OSBP2: variants seen among roughly 807,000 people sequenced by gnomAD.
OSBP2 encodes the protein oxysterol binding protein 2, also known as oxysterol-binding protein 2.
Under a neutral mutation model 96.0 loss-of-function variants are expected in OSBP2, and 66 were observed. The ratio of observed to expected loss-of-function variants is 0.69; its 90% confidence interval spans 0.56 to 0.84. The LOEUF (loss-of-function observed/expected upper bound fraction) is 0.84, where lower values mean the gene tolerates loss of function less well. Ranked by LOEUF, OSBP2 falls within the 40% of genes least tolerant of loss-of-function variation. The pLI, the probability that OSBP2 is intolerant of heterozygous loss-of-function variation, is 0.00. For missense variants in OSBP2, 1,038 were observed against 1,222.7 expected, an observed-to-expected ratio of 0.85 and a Z score of 2.25; for synonymous variants, 525 against 520.9, an observed-to-expected ratio of 1.01 and a Z score of -0.11.
intron 2 of OSBP2, among the ~76,000 whole-genome samples, chr22:30,767,500 C>T (rs573575788): frequency 6.6e-6 from 1 of 152,046 alleles, no homozygotes; most frequent in South Asian, 2.1e-4. Flanking sequence ...TCATAGCATC[C>T]CATTTGTTAA....
intron 2 of OSBP2, among the ~76,000 whole-genome samples, chr22:30,867,809 C>T (rs528759044): frequency 1.3e-5 from 2 of 152,378 alleles, no homozygotes; most frequent in East Asian, 3.9e-4. Flanking sequence ...CTCACTGTAC[C>T]TCTCACCAGC....
At chr22:30,884,748 C>A (rs893985978) in intron 3 of OSBP2, among the ~76,000 whole-genome samples, 1 of 152,158 alleles carries the variant, frequency 6.6e-6, no homozygotes, top group Admixed American at 6.5e-5. Flanking sequence ...GAGCCTCCCA[C>A]CCTTGGAGGT....
intron 1 of OSBP2, among the ~76,000 whole-genome samples, chr22:30,718,830 A>G (rs545942342): frequency 2.5e-4 from 38 of 152,306 alleles, no homozygotes; most frequent in Middle Eastern, 3.4e-3. Flanking sequence ...CAGCATGGGA[A>G]CAGGGCTGAT....
Position 30,906,061 on chromosome 22 carries a change from C to T in OSBP2, c.2600C>T (p.Ser867Leu), listed in dbSNP as rs761012867. 3.6e-6 allele frequency: 5 copies of T among 1,396,014 alleles called. No individual in the cohort carries two copies. The Admixed American group carries it at 6.4e-5, about 18-fold the overall frequency. 86.5% of individuals were successfully genotyped at this position (1,396,014 alleles called of 1,614,324 possible). A position where few individuals can be genotyped will look rare whatever the true frequency, so the allele number is the denominator to read the frequency against. ...EACGPGSSCS[S>L]EEEKEADAYT... ...TGCGGGCCGGGCAGCAGCTGCAGCT[C>T]GGAGGAAGGTGAGGCCGGGCGGGAA... Residue 867 changes from serine to leucine, a missense_variant, in exon 13 of 14, where the codon TCG (serine) becomes TTG (leucine). Physicochemically the swap from Ser to Leu is moderately radical, Grantham distance 145. Around this residue, in one of 3 missense-constraint regions of OSBP2, gnomAD observed 737 missense variants for 913.3 expected, o/e 0.81. Transcript: ENST00000332585.
rs1164924573 is a variant in OSBP2 at position 30,862,765 on chromosome 22, C to T, written c.854-7664C>T. ...AAGGTGGGTGGATCACAAGGTCAGG[C>T]GTTCCTGACCAGCCTGGCCAACATA... On this transcript the variant is annotated intron_variant, in intron 2 of 13. Coordinates refer to ENST00000332585, the MANE Select transcript of OSBP2 (RefSeq NM_030758.4). 5.3e-5 allele frequency among the ~76,000 whole-genome samples: 8 copies of T among 151,102 alleles called. No homozygotes were observed. The South Asian group carries it at 1.7e-3, about 32-fold the overall frequency.
intron 3 of OSBP2, among the ~76,000 whole-genome samples, chr22:30,876,269 GC>G (rs1275486958): frequency 6.6e-6 from 1 of 152,202 alleles, no homozygotes. Flanking sequence ...TGGCTCTGAA[GC>G]CCCCCTCCTC....
At chr22:30,885,375 G>A (rs1292833236) in intron 3 of OSBP2, among the ~76,000 whole-genome samples, 1 of 152,176 alleles carries the variant, frequency 6.6e-6, no homozygotes, top group Non-Finnish European at 1.5e-5. Context: ...TGCCCTCCAG[G>A]GACAGCTGAA....
intron 3 of OSBP2, among the ~76,000 whole-genome samples, chr22:30,874,335 C>T (rs1410125894): frequency 6.6e-6 from 1 of 152,096 alleles, no homozygotes; most frequent in Non-Finnish European, 1.5e-5. Flanking sequence ...TCGTTTGAAC[C>T]CAGGAGATGG....
At chr22:30,716,502 A>G (rs2089457819) in intron 1 of OSBP2, among the ~76,000 whole-genome samples, 1 of 150,192 alleles carries the variant, frequency 6.7e-6, no homozygotes, top group Admixed American at 6.6e-5. Flanking sequence ...CAATGGCTCA[A>G]TCTCGGCTCA....
chr22:30,770,836 G>A (rs1463801240), intron 2 of OSBP2, among the ~76,000 whole-genome samples: 1 of 152,162 alleles, frequency 6.6e-6, no homozygotes, highest in African/African-American at 2.4e-5. Context: ...CTGGCTTTGT[G>A]GCTGCCATCT....
At chr22:30,731,616 G>A (rs2089780222) in intron 1 of OSBP2, 1 of 154,178 alleles carries the variant, frequency 6.5e-6, no homozygotes, top group Non-Finnish European at 1.5e-5. Flanking sequence ...TCCACACCTT[G>A]CGCTACTCAG....
At chr22:30,708,550 A>T (rs1373154684) in intron 1 of OSBP2, among the ~76,000 whole-genome samples, 2 of 118,336 alleles carry the variant, frequency 1.7e-5, no homozygotes, top group African/African-American at 6.6e-5. Context: ...GTGCAATGGC[A>T]TGATCTTGGC....
rs369593505 is a variant in OSBP2 at position 30,870,387 on chromosome 22, G to A, written c.854-42G>A. On this transcript the variant is annotated intron_variant, in intron 2 of 13. Transcript: ENST00000332585. This position sits in a 1 kb window ranked among gnomAD's most constrained non-coding sequence, Gnocchi z 4.1. Reference sequence around the variant, plus strand: ...GGCTGTGCAGGCCTCTTGGTACCACGTCTGTTCGTAATGACCGTAACAACT... The same window carrying A: ...GGCTGTGCAGGCCTCTTGGTACCACATCTGTTCGTAATGACCGTAACAACT... The A allele has an allele frequency of 3.7e-5, 59 of 1,606,514 alleles. No individual in the cohort carries two copies. The highest frequency in any genetic ancestry group is 6.7e-5 in the African/African-American group (5 of 74,836).
At position 30,885,822 on chromosome 22, in the gene OSBP2, C is replaced by T. The variant is rs535154944; in HGVS notation, c.1108-1604C>T. ...AAACCAGCTGCTGCTGGGGAGGCAGCGTGCAGACCCGTGGCACCCAGGTTT... is the reference window on the plus strand; with the variant it reads ...AAACCAGCTGCTGCTGGGGAGGCAGTGTGCAGACCCGTGGCACCCAGGTTT... On this transcript the variant is annotated intron_variant, in intron 3 of 13. Coordinates refer to ENST00000332585, the MANE Select transcript of OSBP2 (RefSeq NM_030758.4). 4.6e-4 allele frequency among the ~76,000 whole-genome samples: 70 copies of T among 152,372 alleles called. 1 individual carries two copies. Among genetic ancestry groups the T allele is most frequent in the South Asian group, 2.9e-3 (14 of 4,832 alleles).
chr22:30,851,213 C>T (rs1268472778), intron 2 of OSBP2, among the ~76,000 whole-genome samples: 1 of 151,310 alleles, frequency 6.6e-6, no homozygotes, highest in Non-Finnish European at 1.5e-5. Context: ...AGGCATGCGC[C>T]ACGCATACAT....
intron 1 of OSBP2, among the ~76,000 whole-genome samples, chr22:30,737,453 G>A (rs2145733443): frequency 6.6e-6 from 1 of 151,054 alleles, no homozygotes; most frequent in Non-Finnish European, 1.5e-5. Flanking sequence ...CTCCTGAGTA[G>A]CTGGGACTAC....
intron 2 of OSBP2, among the ~76,000 whole-genome samples, chr22:30,815,168 A>T (rs1180741564): frequency 6.6e-6 from 1 of 152,228 alleles, no homozygotes; most frequent in African/African-American, 2.4e-5. Flanking sequence ...CTATAGTCCC[A>T]GCTACTGGGG....
intron 2 of OSBP2, among the ~76,000 whole-genome samples, chr22:30,859,289 A>C (rs901988502): frequency 6.6e-6 from 1 of 152,206 alleles, no homozygotes; most frequent in Non-Finnish European, 1.5e-5. Flanking sequence ...TGGCTTCTCC[A>C]GTGTGGGTCA....
At chr22:30,729,561 C>A (rs1299466138) in intron 1 of OSBP2, among the ~76,000 whole-genome samples, 2 of 151,956 alleles carry the variant, frequency 1.3e-5, no homozygotes, top group Non-Finnish European at 2.9e-5. Context: ...TCGTTTGAAC[C>A]CAGGAGGCAG....
Sources: gnomAD v4.1 joint callset for allele counts (sites outside exome capture counted in the v4.1 genomes callset) on GRCh38, gnomAD v4.1.1 for gene constraint, gnomAD v4.1.1 regional missense constraint, Gnocchi (gnomAD v3.1) non-coding constraint, MANE v1.5 for transcripts, NCBI Gene and HGNC (gene_info 2026-07-23, HGNC 2026-07-21) for gene names.